Variants in ZNF423 observed in about 807,000 individuals in gnomAD.
The protein encoded by ZNF423 is zinc finger protein 423, also known as Ebf-associated zinc finger protein.
Under a neutral mutation model 95.8 loss-of-function variants are expected in ZNF423, and 12 were observed. The ratio of observed to expected loss-of-function variants is 0.13; its 90% CI spans 0.08 to 0.20. The LOEUF is 0.20. Ranked by LOEUF, ZNF423 falls within the 10% of genes least tolerant of loss-of-function variation. The pLI is 1.00. For synonymous variants in ZNF423, 749 were observed against 711.9 expected, an observed-to-expected ratio of 1.05 and a Z score of -0.83; for missense variants, 1,316 against 1,737.1, an observed-to-expected ratio of 0.76 and a Z score of 4.31.
intron 7 of ZNF423, among the ~76,000 whole-genome samples, chr16:49,498,276 C>A (rs571733885): frequency 1.3e-5 from 2 of 152,248 alleles, no homozygotes; most frequent in Non-Finnish European, 2.9e-5. Context: ...AGGCCCAGGT[C>A]CTGCCACTGG....
Position 49,525,506 on chromosome 16 carries a change from A to ACCCGTGACCAGTCAGTGACC in ZNF423, c.3602-32_3602-13dup, listed in dbSNP as rs748230408. ...GTTGATGCCTTCCTCTGCAAGGAAA[A>ACCCGTGACCAGTCAGTGACC]CCCGTGACCAGTCAGTGACCAGCAT... On this transcript the variant is annotated splice_polypyrimidine_tract_variant and intron_variant, in intron 5 of 7. Coordinates refer to ENST00000563137, the MANE Select transcript of ZNF423 (RefSeq NM_001379286.1). 2 of 1,613,420 alleles carry ACCCGTGACCAGTCAGTGACC rather than the reference A, an allele frequency of 1.2e-6. No individual in the cohort carries two copies. The highest frequency in any genetic ancestry group is 4.5e-5 in the East Asian group (2 of 44,866).
intron 2 of ZNF423, among the ~76,000 whole-genome samples, chr16:49,752,215 C>T (rs1261465127): frequency 6.6e-6 from 1 of 152,254 alleles, no homozygotes; most frequent in Non-Finnish European, 1.5e-5. Flanking sequence ...AAACAGGTGG[C>T]CTGATGCCTC....
intron 3 of ZNF423, among the ~76,000 whole-genome samples, chr16:49,709,423 G>A (rs933790133): frequency 3.2e-4 from 49 of 151,988 alleles, no homozygotes; most frequent in African/African-American, 8.9e-4. Flanking sequence ...TTTCATGGAA[G>A]ACACGTTTAT....
chr16:49,790,180 A>G (rs1231987376), intron 1 of ZNF423, among the ~76,000 whole-genome samples: 1 of 152,256 alleles, frequency 6.6e-6, no homozygotes, highest in African/African-American at 2.4e-5. Context: ...AGTCTGGGGC[A>G]TGTAATAATA....
intron 2 of ZNF423, among the ~76,000 whole-genome samples, chr16:49,751,422 G>T (rs1212411516): frequency 6.6e-6 from 1 of 152,024 alleles, no homozygotes; most frequent in Non-Finnish European, 1.5e-5. Flanking sequence ...GCCCAAGCTG[G>T]TCTCCAACTC....
chr16:49,593,550 A>C (rs1037683698), intron 5 of ZNF423, among the ~76,000 whole-genome samples: 2 of 151,902 alleles, frequency 1.3e-5, no homozygotes, highest in African/African-American at 4.8e-5. Flanking sequence ...GTTTGCAGAG[A>C]TCTCTTTCTG....
At chr16:49,842,977 CAAAAAA>C (rs71380379) in intron 1 of ZNF423, among the ~76,000 whole-genome samples, 3 of 97,356 alleles carry the variant, frequency 3.1e-5, no homozygotes, top group African/African-American at 1.2e-4. Context: ...GACTCCGTCT[CAAAAAA>C]AAAAAAAAAA....
At position 49,730,856 on chromosome 16, in the gene ZNF423, T is replaced by C. The variant is rs769607533; in HGVS notation, c.216A>G (p.Glu72=). The C allele has an allele frequency of 1.2e-6, 2 of 1,614,172 alleles. No homozygotes were observed. The highest frequency in any genetic ancestry group is 2.2e-5 in the South Asian group (2 of 91,080). Residue 72 remains glutamate, a synonymous_variant, in exon 3 of 8, where the codon GAA becomes GAG. Transcript: ENST00000563137. ...RNEDDEDMED[E]SIYTCDHCQQ... is the part of the protein sequence containing the mutation. ...GACAGTGATCGCAGGTGTAAATTGA[T>C]TCATCCTCCATGTCTTCATCATCCT...
chr16:49,744,525 A>C (rs994618900), intron 2 of ZNF423, among the ~76,000 whole-genome samples: 1 of 147,588 alleles, frequency 6.8e-6, no homozygotes, highest in African/African-American at 2.5e-5. Flanking sequence ...CTCAGCACAC[A>C]TGTGGCCAGC....
chr16:49,533,694 A>G (rs1404885837), intron 5 of ZNF423, among the ~76,000 whole-genome samples: 2 of 152,210 alleles, frequency 1.3e-5, no homozygotes, highest in East Asian at 3.8e-4. Context: ...GGGGAAAAAC[A>G]TGGCCAAGAA....
intron 1 of ZNF423, among the ~76,000 whole-genome samples, chr16:49,848,385 A>T (rs1006199136): frequency 1.3e-5 from 2 of 152,212 alleles, no homozygotes; most frequent in Non-Finnish European, 2.9e-5. Flanking sequence ...ACCTCAAAAA[A>T]TACTTCTTCT....
intron 7 of ZNF423, among the ~76,000 whole-genome samples, chr16:49,516,425 C>T (rs1968148357): frequency 1.3e-5 from 2 of 152,250 alleles, no homozygotes; most frequent in South Asian, 4.1e-4. Context: ...GCTACATGCT[C>T]TGTGTGCCAG....
chr16:49,602,331 G>A (rs758913216), intron 5 of ZNF423, among the ~76,000 whole-genome samples: 1 of 152,236 alleles, frequency 6.6e-6, no homozygotes, highest in Non-Finnish European at 1.5e-5. Flanking sequence ...GGAAGGCAGG[G>A]TGTGAGGAGG....
intron 3 of ZNF423, among the ~76,000 whole-genome samples, chr16:49,658,392 G>A (rs1248215345): frequency 6.6e-6 from 1 of 152,234 alleles, no homozygotes; most frequent in Non-Finnish European, 1.5e-5. Flanking sequence ...AGGATGTGCT[G>A]GGCTAGCCAG....
At chr16:49,648,621 C>T (rs1015624966) in intron 3 of ZNF423, among the ~76,000 whole-genome samples, 1 of 150,800 alleles carries the variant, frequency 6.6e-6, no homozygotes, top group African/African-American at 2.4e-5. Context: ...CACTGCACTC[C>T]AGCCTGGGTG....
chr16:49,633,603 TG>T (rs557849078), intron 4 of ZNF423, among the ~76,000 whole-genome samples: 5 of 152,206 alleles, frequency 3.3e-5, no homozygotes, highest in Non-Finnish European at 7.3e-5. Context: ...CGCTGGGTCC[TG>T]GGAGAAGGAG....
At chr16:49,834,634 G>A (rs895093795) in intron 1 of ZNF423, among the ~76,000 whole-genome samples, 3 of 152,174 alleles carry the variant, frequency 2.0e-5, no homozygotes, top group Non-Finnish European at 4.4e-5. Flanking sequence ...CCTGGTCCTG[G>A]CAGGGCTTCC....
intron 2 of ZNF423, among the ~76,000 whole-genome samples, chr16:49,779,405 C>T (rs1391368468): frequency 6.6e-6 from 1 of 152,068 alleles, no homozygotes; most frequent in Non-Finnish European, 1.5e-5. Flanking sequence ...GGGACACACA[C>T]AGTCTATGGA....
At chr16:49,583,687 G>T (rs1970740577) in intron 5 of ZNF423, among the ~76,000 whole-genome samples, 2 of 152,166 alleles carry the variant, frequency 1.3e-5, no homozygotes, top group East Asian at 3.8e-4. Flanking sequence ...GGTGGATACT[G>T]TACCAAATCT....
Sources: gnomAD v4.1 joint callset for allele counts (sites outside exome capture counted in the v4.1 genomes callset) on GRCh38, gnomAD v4.1.1 for gene constraint, MANE v1.5 for transcripts, NCBI Gene and HGNC (gene_info 2026-07-23, HGNC 2026-07-21) for gene names.